The following ANGPTL4 variants were observed in gnomAD, a reference collection of about 807,000 sequenced individuals.
ANGPTL4 encodes angiopoietin like 4.
In ANGPTL4, 39 loss-of-function variants were observed where a neutral mutation model predicts 39.2. The ratio of observed to expected loss-of-function variants is 1.00; its 90% CI spans 0.77 to 1.30. The LOEUF is 1.30. ANGPTL4 is among the 50% of genes most tolerant of loss of function. The pLI is 0.00. For synonymous variants in ANGPTL4, 233 were observed against 229.5 expected, an observed-to-expected ratio of 1.02 and a Z score of -0.14; for missense variants, 545 against 549.8, an observed-to-expected ratio of 0.99 and a Z score of 0.09.
chr19:8,366,351 G>A, intron 3 of ANGPTL4, 32 bp downstream of exon 3: 1 of 1,602,500 alleles, frequency 6.2e-7, no homozygotes, highest in Non-Finnish European at 8.5e-7. Context: ...CTCTCCGGTG[G>A]CCACCCCTAC....
Position 8,364,232 on chromosome 19 carries a change from C to A in ANGPTL4, c.-90C>A. The A allele has an allele frequency of 7.4e-7, 1 of 1,359,766 alleles. No homozygotes were observed. The highest frequency in any genetic ancestry group is 9.9e-7 in the Non-Finnish European group (1 of 1,007,090). 84.2% of individuals were successfully genotyped at this position (1,359,766 alleles called of 1,614,324 possible). A position where few individuals can be genotyped will look rare whatever the true frequency, so the allele number is the denominator to read the frequency against. ...GGCTTCTGCAACCAAGCGGGTCTTA[C>A]CCCCGGTCCTCCGCGTCTCCAGTCC... On this transcript the variant is annotated 5_prime_UTR_variant, in exon 1 of 7. Coordinates refer to ENST00000301455, the MANE Select transcript of ANGPTL4 (RefSeq NM_139314.3).
intron 3 of ANGPTL4, among the ~76,000 whole-genome samples, chr19:8,367,500 G>A (rs1166207849): frequency 6.6e-6 from 1 of 151,762 alleles, no homozygotes; most frequent in Non-Finnish European, 1.5e-5. Context: ...AGGAAAGTAG[G>A]GGAAAGGGGA....
chr19:8,370,805 A>G lies in ANGPTL4; in HGVS notation c.662-251A>G, dbSNP rs150929819. 4.6e-5 allele frequency among the ~76,000 whole-genome samples: 7 copies of G among 151,616 alleles called. No homozygotes were observed. In the East Asian group the frequency reaches 1.2e-3, roughly 25 times the overall value. ...TTTACCCAGTTCAGCTGGCCCAGAG[A>G]GGCTTTGCAGATTTCCACTGCCTAC... On this transcript the variant is annotated intron_variant, in intron 4 of 6. Transcript: ENST00000301455.
chr19:8,372,130 C>T (rs1201604794), intron 6 of ANGPTL4, among the ~76,000 whole-genome samples: 1 of 151,980 alleles, frequency 6.6e-6, no homozygotes, highest in Non-Finnish European at 1.5e-5. Context: ...GATCTTGGCT[C>T]ACTGCAGCCT....
intron 3 of ANGPTL4, among the ~76,000 whole-genome samples, chr19:8,368,024 C>CTTTT (rs762259435): frequency 3.9e-5 from 5 of 129,182 alleles, no homozygotes; most frequent in African/African-American, 9.0e-5. Flanking sequence ...TTTATCAAGT[C>CTTTT]TTTTTTTTTT....
At chr19:8,365,860 A>C in intron 1 of ANGPTL4, 94 bp from the exon 2 acceptor site, 1 of 947,974 alleles carries the variant, frequency 1.1e-6, no homozygotes, top group Middle Eastern at 2.1e-4. Context: ...GCCTGGCCTC[A>C]GCGGATGGAG....
intron 3 of ANGPTL4, among the ~76,000 whole-genome samples, chr19:8,367,781 G>C (rs1568216152): frequency 6.6e-6 from 1 of 152,170 alleles, no homozygotes; most frequent in East Asian, 1.9e-4. Flanking sequence ...AGTTCTTCCC[G>C]TTCTGGACCT....
chr19:8,364,779 C>T (rs1970966649), intron 1 of ANGPTL4, 140 bp downstream of exon 1: 1 of 1,114,806 alleles, frequency 9.0e-7, no homozygotes, highest in African/African-American at 1.6e-5. Context: ...GGGCTCCCCC[C>T]TTAGGAAGCC....
rs775612741 is a variant in ANGPTL4 at position 8,371,037 on chromosome 19, C to T, written c.662-19C>T. 6.4e-6 allele frequency: 10 copies of T among 1,571,398 alleles called. No homozygotes were observed. The East Asian group carries it at 2.3e-4, about 37-fold the overall frequency. On this transcript the variant is annotated intron_variant, in intron 4 of 6. Transcript: ENST00000301455. This position sits in a 1 kb window ranked among gnomAD's most constrained non-coding sequence, Gnocchi z 5.1. ...CTGTGAAGAGGGACTTCCTGGTGAC[C>T]TTGTACCTTTCTGGGCAGATGGAGG... is the stretch of plus-strand genomic sequence containing the variant.
In ANGPTL4 at chr19:8,373,830, C is replaced by T. The variant is rs761664225; in HGVS notation, c.1165C>T (p.Pro389Ser). 1.2e-6 allele frequency: 2 copies of T among 1,613,896 alleles called. No individual in the cohort carries two copies. The highest frequency in any genetic ancestry group is 2.2e-5 in the South Asian group (2 of 91,084). The change falls in exon 7 of 7, where the codon CCG (proline) becomes TCG (serine). Residue 389 changes from proline to serine, a missense_variant. Coordinates refer to ENST00000301455, the MANE Select transcript of ANGPTL4 (RefSeq NM_139314.3). ...FWKTWRGRYY[P>S]LQATTMLIQP... ...GAAGACCTGGCGGGGCCGCTACTAC[C>T]CGCTGCAGGCCACCACCATGTTGAT...
intron 1 of ANGPTL4, 69 bp downstream of exon 1, chr19:8,364,708 A>G (rs1238299905): frequency 1.3e-6 from 2 of 1,533,998 alleles, no homozygotes; most frequent in East Asian, 2.4e-5. Flanking sequence ...TATGGACAGG[A>G]GTGGGGCGTG....
intron 4 of ANGPTL4, among the ~76,000 whole-genome samples, chr19:8,370,718 A>AAAAC (rs1568217740): frequency 6.7e-6 from 1 of 150,126 alleles, no homozygotes; most frequent in Non-Finnish European, 1.5e-5. Context: ...AAAAAAAAAA[A>AAAAC]AAAGAAAGCT....
intron 6 of ANGPTL4, among the ~76,000 whole-genome samples, chr19:8,372,001 G>A (rs1334438378): frequency 6.6e-6 from 1 of 151,724 alleles, no homozygotes; most frequent in Non-Finnish European, 1.5e-5. Flanking sequence ...CTCGTGATCT[G>A]CCTGCCTCAG....
Position 8,366,037 on chromosome 19 carries a change from C to T in ANGPTL4, c.402C>T (p.His134=), listed in dbSNP as rs776000614. ...AQQQRHLEKQ[H]LRIQHLQSQF... is the part of the protein sequence containing the mutation. ...AGCAGCGGCACCTGGAGAAGCAGCA[C>T]CTGCGAATTCAGCATCTGCAAAGCC... Residue 134 remains histidine (H), a synonymous_variant, in exon 2 of 7, where the codon CAC becomes CAT. Coordinates refer to ENST00000301455, the MANE Select transcript of ANGPTL4 (RefSeq NM_139314.3). 6.2e-7 allele frequency: 1 copy of T among 1,614,146 alleles called. No individual in the cohort carries two copies. Among genetic ancestry groups the T allele is most frequent in the Admixed American group, 1.7e-5 (1 of 60,016 alleles).
In ANGPTL4 at chr19:8,373,814, G is replaced by A. The variant is rs1311891477; in HGVS notation, c.1149G>A (p.Trp383Ter). 1 of 1,613,812 alleles carries A rather than the reference G, an allele frequency of 6.2e-7. No homozygotes were observed. Among genetic ancestry groups the A allele is most frequent in the Admixed American group, 1.7e-5 (1 of 60,004 alleles). ...KLKKGIFWKT[W>*]RGRYYPLQAT... ...AGAAGGGAATCTTCTGGAAGACCTG[G>A]CGGGGCCGCTACTACCCGCTGCAGG... Residue 383 changes from tryptophan to a stop codon, truncating the protein, a stop_gained, in exon 7 of 7, where the codon TGG becomes TGA. Coordinates refer to ENST00000301455, the MANE Select transcript of ANGPTL4 (RefSeq NM_139314.3). LOFTEE classifies it low-confidence loss of function (END_TRUNC).
In ANGPTL4 at chr19:8,373,885, A is replaced by T; in HGVS notation, c.1220A>T (p.Ter407LeuextTer14). The T allele has an allele frequency of 6.2e-7, 1 of 1,613,032 alleles. No homozygotes were observed. Among genetic ancestry groups the T allele is most frequent in the Non-Finnish European group, 8.5e-7 (1 of 1,179,972 alleles). Reference sequence around the variant, plus strand: ...CCCATGGCAGCAGAGGCAGCCTCCTAGCGTCCTGGCTGGGCCTGGTCCCAG... The same window carrying T: ...CCCATGGCAGCAGAGGCAGCCTCCTTGCGTCCTGGCTGGGCCTGGTCCCAG... ...IQPMAAEAAS[*>L] Residue 407 changes from the stop codon to leucine (L), a stop_lost, in exon 7 of 7, where the codon TAG (stop) becomes TTG (leucine). Coordinates refer to ENST00000301455, the MANE Select transcript of ANGPTL4 (RefSeq NM_139314.3).
rs1171904577 is a variant in ANGPTL4 at position 8,371,207 on chromosome 19, G to C, written c.758-34G>C. 2.5e-6 allele frequency: 4 copies of C among 1,614,074 alleles called. No individual in the cohort carries two copies. Among genetic ancestry groups the C allele is most frequent in the Non-Finnish European group, 3.4e-6 (4 of 1,180,026 alleles). ...GGAGGAAGAGGGACCCTCAGAAGTG[G>C]CCCTGCCTCATGGAGTGGCCTCTCC... On this transcript the variant is annotated intron_variant, in intron 5 of 6. Coordinates refer to ENST00000301455, the MANE Select transcript of ANGPTL4 (RefSeq NM_139314.3). The surrounding 1 kb of genome is among the most constrained non-coding windows in gnomAD (Gnocchi z 5.1).
chr19:8,369,173 C>G (rs777541240), intron 3 of ANGPTL4, 46 bp from the exon 4 acceptor site: 28 of 1,536,230 alleles, frequency 1.8e-5, no homozygotes, highest in Non-Finnish European at 2.5e-5. Context: ...AGACCCCCCC[C>G]AGGGGCTGCC....
chr19:8,373,660 T>G lies in ANGPTL4; in HGVS notation c.1040-45T>G, dbSNP rs750570618. 5.6e-6 allele frequency: 9 copies of G among 1,613,084 alleles called. No homozygotes were observed. In the South Asian group the frequency reaches 8.8e-5, roughly 16 times the overall value. On this transcript the variant is annotated intron_variant, in intron 6 of 6. Coordinates refer to ENST00000301455, the MANE Select transcript of ANGPTL4 (RefSeq NM_139314.3). ...CCCTATCTCCTTTCAGCCCCATCGG[T>G]GGCTCAAAGACCTGACCATGTTCCC...
Sources: gnomAD v4.1 joint callset for allele counts (sites outside exome capture counted in the v4.1 genomes callset) on GRCh38, gnomAD v4.1.1 for gene constraint, Gnocchi (gnomAD v3.1) non-coding constraint, MANE v1.5 for transcripts, NCBI Gene and HGNC (gene_info 2026-07-23, HGNC 2026-07-21) for gene names.